Variants in LCN8 observed in about 807,000 individuals in gnomAD.
LCN8 encodes the protein lipocalin 8, also known as epididymal-specific lipocalin-8.
Under a neutral mutation model 22.8 loss-of-function variants are expected in LCN8, and 16 were observed. The observed-to-expected ratio is 0.70, with a 90% CI of 0.47 to 1.06. The LOEUF (loss-of-function observed/expected upper bound fraction) is 1.06. Among genes scored for constraint, LCN8 ranks in the 50% least tolerant of loss-of-function variants. The pLI is 0.00. For missense variants in LCN8, 189 were observed against 203.3 expected (o/e 0.93, Z 0.43); for synonymous variants, 92 against 83.4 (o/e 1.10, Z -0.56).
In LCN8 at chr9:136,754,523, G is replaced by A. The variant is rs1484352142; in HGVS notation, c.448-14C>T. The A allele has an allele frequency of 1.9e-6, 3 of 1,552,212 alleles. No homozygotes were observed. The highest frequency in any genetic ancestry group is 1.4e-5 in the African/African-American group (1 of 73,600). ...TTAAATCAGCTCCTGCGACACAGAA[G>A]TGCAGGGGCTCAGGCCCGTGTGGTC... On this transcript the variant is annotated splice_polypyrimidine_tract_variant and intron_variant, in intron 6 of 6. Coordinates refer to ENST00000371688, the MANE Select transcript of LCN8 (RefSeq NM_178469.4).
Position 136,757,099 on chromosome 9 carries a change from C to G in LCN8, c.94G>C (p.Val32Leu). 1 of 1,613,616 alleles carries G rather than the reference C, an allele frequency of 6.2e-7. No individual in the cohort carries two copies. Among genetic ancestry groups the G allele is most frequent in the Non-Finnish European group, 8.5e-7 (1 of 1,179,842 alleles). ...CTCAAGGTGAGGAACAAGCCCTCCA[C>G]CCGCTTCGGGGCCGTCAGCACCAGG... ...QSLVLTAPKR[V>L]EGLFLTLSGS... The change falls in exon 2 of 7, where the codon GTG becomes CTG. Residue 32 changes from valine (V) to leucine (L), a missense_variant. Physicochemically the swap from Val to Leu is conservative, Grantham distance 32. Transcript: ENST00000371688.
chr9:136,755,392 C>G lies in LCN8; in HGVS notation c.331+20G>C, dbSNP rs532072157. 6.2e-7 allele frequency: 1 copy of G among 1,610,608 alleles called. No individual in the cohort carries two copies. Among genetic ancestry groups the G allele is most frequent in the East Asian group, 2.2e-5 (1 of 44,876 alleles). On this transcript the variant is annotated intron_variant, in intron 4 of 6. Coordinates refer to ENST00000371688, the MANE Select transcript of LCN8 (RefSeq NM_178469.4). ...CTGGGAGAGCAGCAGCTGGGCAGAG[C>G]CCCCCAGGGCCAAGCTTACTAAAGT...
Position 136,758,002 on chromosome 9 carries a change from C to A in LCN8, c.-72G>T. 1 of 1,590,498 alleles carries A rather than the reference C, an allele frequency of 6.3e-7. No homozygotes were observed. Among genetic ancestry groups the A allele is most frequent in the Non-Finnish European group, 8.5e-7 (1 of 1,170,260 alleles). ...GTGCACGGCAGCCTGGCCTCCGTGG[C>A]GGGGTCCGGGCTCCGGGTTCCCCTG... On this transcript the variant is annotated 5_prime_UTR_variant, in exon 1 of 7. Transcript: ENST00000371688.
chr9:136,755,380 A>T (rs1251387461), intron 4 of LCN8, 32 bp downstream of exon 4: 1 of 1,610,918 alleles, frequency 6.2e-7, no homozygotes, highest in African/African-American at 1.3e-5. Context: ...GGAGAGCAGC[A>T]GCTGGGCAGA....
Position 136,757,945 on chromosome 9 carries a change from G to A in LCN8, c.-15C>T. 6.2e-7 allele frequency: 1 copy of A among 1,613,118 alleles called. No individual in the cohort carries two copies. Among genetic ancestry groups the A allele is most frequent in the South Asian group, 1.1e-5 (1 of 91,062 alleles). On this transcript the variant is annotated 5_prime_UTR_variant, in exon 1 of 7. Transcript: ENST00000371688. ...AGCTCCTCCATGGCTGCTGCCACCTGCGCCCGGAGCACCACGAGGACACCC... is the reference window on the plus strand; with the variant it reads ...AGCTCCTCCATGGCTGCTGCCACCTACGCCCGGAGCACCACGAGGACACCC...
chr9:136,754,594 T>C (rs989479153), intron 6 of LCN8, 85 bp from the exon 7 acceptor site: 4 of 1,508,162 alleles, frequency 2.7e-6, no homozygotes, highest in Non-Finnish European at 3.5e-6. Context: ...CGGCGGGACT[T>C]CTGTCCTCGC....
chr9:136,754,962 G>T (rs1010464219), intron 6 of LCN8, 173 bp downstream of exon 6: 2 of 1,401,856 alleles, frequency 1.4e-6, no homozygotes, highest in South Asian at 3.5e-5. Flanking sequence ...CCAGGAGACA[G>T]ACTCATCTCT....
upstream of LCN8, chr9:136,758,298 G>A: frequency 8.5e-7 from 1 of 1,179,450 alleles, no homozygotes. Context: ...CACCACCTGG[G>A]GCTCGGTGAC....
rs1189357148 is a variant in LCN8 at position 136,757,151 on chromosome 9, C to T, written c.42G>A (p.Arg14=). The T allele has an allele frequency of 6.2e-7, 1 of 1,612,614 alleles. No individual in the cohort carries two copies. The highest frequency in any genetic ancestry group is 1.1e-5 in the South Asian group (1 of 90,720). The change falls in exon 2 of 7, where the codon AGG becomes AGA. Residue 14 remains arginine (R), a synonymous_variant. Coordinates refer to ENST00000371688, the MANE Select transcript of LCN8 (RefSeq NM_178469.4). ...LDRQKIGGFW[R]EVGVASDQSL... Reference sequence around the variant, plus strand: ...TTTGATCGGAGGCCACACCGACTTCCCTCCAGAATCCTCCAATCTAGAGAG... The same window carrying T: ...TTTGATCGGAGGCCACACCGACTTCTCTCCAGAATCCTCCAATCTAGAGAG...
In LCN8 at chr9:136,754,420, G is replaced by A; in HGVS notation, c.*78C>T. The A allele has an allele frequency of 5.9e-6, 9 of 1,526,688 alleles. No individual in the cohort carries two copies. Among genetic ancestry groups the A allele is most frequent in the African/African-American group, 1.4e-5 (1 of 72,898 alleles). The allele number at this position is 1,526,688 out of a possible 1,614,324, so 94.6% of individuals were successfully genotyped here. On this transcript the variant is annotated 3_prime_UTR_variant, in exon 7 of 7. Transcript: ENST00000371688. ...CAGTTTATTCAGAGCAGGTGCAGGT[G>A]ACCTGGTGGGCAGGGTGCCCAGGAG...
chr9:136,757,974 A>T lies in LCN8; in HGVS notation c.-44T>A, dbSNP rs777169395. ...CCGGAGCACCACGAGGACACCCAGG[A>T]TGGTGCACGGCAGCCTGGCCTCCGT... On this transcript the variant is annotated 5_prime_UTR_variant, in exon 1 of 7. Transcript: ENST00000371688. 5 of 1,611,270 alleles carry T rather than the reference A, an allele frequency of 3.1e-6. No homozygotes were observed. In the Admixed American group the frequency reaches 8.3e-5, roughly 27 times the overall value.
intron 6 of LCN8, 172 bp downstream of exon 6, chr9:136,754,963 A>G: frequency 1.4e-6 from 2 of 1,400,060 alleles, no homozygotes; most frequent in Non-Finnish European, 1.9e-6. Context: ...CAGGAGACAG[A>G]CTCATCTCTG....
Position 136,758,137 on chromosome 9 carries a change from C to T in LCN8, c.-207G>A, listed in dbSNP as rs1014748001. 7 of 1,446,258 alleles carry T rather than the reference C, an allele frequency of 4.8e-6. No individual in the cohort carries two copies. In the African/African-American group the frequency reaches 9.9e-5, roughly 21 times the overall value. The allele number at this position is 1,446,258 out of a possible 1,614,324, so 89.6% of individuals were successfully genotyped here. On this transcript the variant is annotated 5_prime_UTR_variant, in exon 1 of 7. It adds an upstream start codon to the 5' untranslated region. Coordinates refer to ENST00000371688, the MANE Select transcript of LCN8 (RefSeq NM_178469.4). ...CAGCTCAGAGACGTGGGTTTCTGCACAAGCGCCATCGGCCCTGGTGACACC... is the reference window on the plus strand; with the variant it reads ...CAGCTCAGAGACGTGGGTTTCTGCATAAGCGCCATCGGCCCTGGTGACACC...
rs1353606219 is a variant in LCN8, at chr9:136,754,449, CA to C, written c.*48del. ...TGGTGGGCAGGGTGCCCAGGAGGGG[CA>C]GGGGTGGGCGGGCGCTCCGAACCTT... On this transcript the variant is annotated 3_prime_UTR_variant, in exon 7 of 7. Coordinates refer to ENST00000371688, the MANE Select transcript of LCN8 (RefSeq NM_178469.4). The C allele has an allele frequency of 6.5e-7, 1 of 1,548,040 alleles. No homozygotes were observed. Among genetic ancestry groups the C allele is most frequent in the African/African-American group, 1.4e-5 (1 of 73,706 alleles).
At chr9:136,758,359 C>T (rs560453883), upstream of LCN8, 31 of 1,038,888 alleles carry the variant, frequency 3.0e-5, no homozygotes, top group Admixed American at 3.0e-4. Flanking sequence ...GCCTGCGCTG[C>T]GAGGGCTGTG....
At chr9:136,757,481 G>A (rs1047683703) in intron 1 of LCN8, 12 of 1,349,384 alleles carry the variant, frequency 8.9e-6, no homozygotes, top group African/African-American at 4.4e-5. Context: ...GCCTGACCTC[G>A]GAGGCAGGAC....
chr9:136,756,306 C>T, intron 3 of LCN8: 10 of 1,521,660 alleles, frequency 6.6e-6, no homozygotes, highest in Non-Finnish European at 8.8e-6. Context: ...CAGGAAACAG[C>T]ATGTGGAACA....
chr9:136,755,715 G>GAACAGCATGGGGAACAGTGCAGGA, intron 3 of LCN8, 199 bp from the exon 4 acceptor site: 1 of 383,544 alleles, frequency 2.6e-6, no homozygotes, highest in Non-Finnish European at 4.5e-6. Context: ...AATGTGCAGG[G>GAACAGCATGGGGAACAGTGCAGGA]AACAGCATGG....
intron 1 of LCN8, 81 bp from the exon 2 acceptor site, chr9:136,757,249 G>A: frequency 6.5e-7 from 1 of 1,543,588 alleles, no homozygotes; most frequent in South Asian, 1.2e-5. Context: ...CCCGGGCAGG[G>A]GCCTGCTGGG....
Sources: gnomAD v4.1 joint callset for allele counts on GRCh38, gnomAD v4.1.1 for gene constraint, MANE v1.5 for transcripts, NCBI Gene and HGNC (gene_info 2026-07-23, HGNC 2026-07-21) for gene names.